ZFYVE28: variants seen among roughly 807,000 people sequenced by gnomAD.
The protein encoded by ZFYVE28 is zinc finger FYVE-type containing 28, also known as lateral signaling target protein 2 homolog.
ZFYVE28 carries 40 observed loss-of-function variants against 82.1 expected under a neutral mutation model. The ratio of observed to expected loss-of-function variants is 0.49; its 90% CI spans 0.38 to 0.63. ZFYVE28 has a LOEUF of 0.63. Among genes scored for constraint, ZFYVE28 ranks in the 30% least tolerant of loss-of-function variants. The pLI is 0.00. For synonymous variants in ZFYVE28, 612 were observed against 546.1 expected (o/e 1.12, Z -1.68); for missense variants, 1,321 against 1,242.1 (o/e 1.06, Z -0.96).
In ZFYVE28 at chr4:2,418,329, C is replaced by T. The variant is rs1162804811; in HGVS notation, c.-6G>A. The stretch of plus-strand genomic sequence containing the variant: ...TTTCGGAACCTGTTCATCATCGCCG[C>T]GCCGGCCCTGGCCGGACTCCGGGCG... On this transcript the variant is annotated 5_prime_UTR_variant, in exon 1 of 13. Coordinates refer to ENST00000290974, the MANE Select transcript of ZFYVE28 (RefSeq NM_020972.3). The surrounding 1 kb of genome is among the most constrained non-coding windows in gnomAD (Gnocchi z 4.6). The T allele has an allele frequency of 6.6e-7, 1 of 1,518,218 alleles. No individual in the cohort carries two copies. The highest frequency in any genetic ancestry group is 8.8e-7 in the Non-Finnish European group (1 of 1,131,174). The allele number at this position is 1,518,218 out of a possible 1,614,324, so 94.0% of individuals were successfully genotyped here.
intron 6 of ZFYVE28, chr4:2,331,015 T>C (rs1429211993): frequency 6.6e-7 from 1 of 1,526,692 alleles, no homozygotes; most frequent in Non-Finnish European, 8.8e-7. Context: ...CGGTGGCTCC[T>C]GCACGTGTTC....
intron 8 of ZFYVE28, among the ~76,000 whole-genome samples, chr4:2,277,201 C>T (rs892107568): frequency 3.9e-5 from 6 of 152,164 alleles, no homozygotes; most frequent in African/African-American, 9.7e-5. Context: ...AAGATCACGC[C>T]GGGCGTGGTG....
rs1578452713 is a variant in ZFYVE28 at position 2,418,232 on chromosome 4, G to A, written c.39+53C>T. 1 of 1,517,776 alleles carries A rather than the reference G, an allele frequency of 6.6e-7. No homozygotes were observed. The highest frequency in any genetic ancestry group is 8.8e-7 in the Non-Finnish European group (1 of 1,130,400). 94.0% of individuals were successfully genotyped at this position (1,517,776 alleles called of 1,614,324 possible). ...TTGTAGGGCGGACGGGCGGTCCTGG[G>A]GAAGGGAGAGGCCGCGACGCGGGGG... On this transcript the variant is annotated intron_variant, in intron 1 of 12. Transcript: ENST00000290974. The surrounding 1 kb of genome is among the most constrained non-coding windows in gnomAD (Gnocchi z 4.6).
rs758236088 is a variant in ZFYVE28 at position 2,339,464 on chromosome 4, C to T, written c.510G>A (p.Glu170=). ...CACAGCTGCAGTACCTGAGCTCAAACTCTGCGAACAGGACGTCGAAGTGCC... is the reference window on the plus strand; with the variant it reads ...CACAGCTGCAGTACCTGAGCTCAAATTCTGCGAACAGGACGTCGAAGTGCC... ...ALRHFDVLFA[E]FELSYVSAMV... is the part of the protein sequence containing the mutation. The change falls in exon 4 of 13, where the codon GAG becomes GAA. Residue 170 remains glutamate (E), a synonymous_variant. Transcript: ENST00000290974. The surrounding 1 kb of genome is among the most constrained non-coding windows in gnomAD (Gnocchi z 5.0). 2 of 1,613,698 alleles carry T rather than the reference C, an allele frequency of 1.2e-6. No individual in the cohort carries two copies. Among genetic ancestry groups the T allele is most frequent in the Non-Finnish European group, 1.7e-6 (2 of 1,179,936 alleles).
chr4:2,399,984 A>G (rs897769634), intron 1 of ZFYVE28, among the ~76,000 whole-genome samples: 12 of 152,172 alleles, frequency 7.9e-5, no homozygotes, highest in Admixed American at 7.9e-4. Flanking sequence ...AGCCCGAGGA[A>G]GTGCCGGCAC....
intron 7 of ZFYVE28, among the ~76,000 whole-genome samples, chr4:2,314,124 T>C (rs1374262637): frequency 6.6e-6 from 1 of 152,260 alleles, no homozygotes; most frequent in Non-Finnish European, 1.5e-5. Flanking sequence ...GACATCTTCC[T>C]ACTGAATTGC....
In ZFYVE28 at chr4:2,271,349, C is replaced by T. The variant is rs540746817; in HGVS notation, c.2494G>A (p.Val832Ile). 12 of 1,612,768 alleles carry T rather than the reference C, an allele frequency of 7.4e-6. No homozygotes were observed. The highest frequency in any genetic ancestry group is 1.3e-5 in the African/African-American group (1 of 74,952). ...CGGCAGTGGTGCTTCCGGCGGATGA[C>T]GGTGAAGGGTGCTTTGCACGCCGTG... is the stretch of plus-strand genomic sequence containing the variant. ...FCTACKAPFT[V>I]IRRKHHCRSC... Residue 832 changes from valine to isoleucine, a missense_variant, in exon 12 of 13, where the codon GTC becomes ATC. By Grantham distance (29) the Val-to-Ile change is conservative (BLOSUM62 3). Around this residue, in one of 2 missense-constraint regions of ZFYVE28, gnomAD observed 978 missense variants for 833.7 expected, o/e 1.17. Transcript: ENST00000290974.
chr4:2,271,269 C>G (rs1217733868), intron 12 of ZFYVE28, 42 bp downstream of exon 12: 2 of 1,591,704 alleles, frequency 1.3e-6, no homozygotes, highest in Admixed American at 1.7e-5. Flanking sequence ...CGTGGACGCC[C>G]TTGGATGCTG....
chr4:2,398,276 G>A (rs1461134427), intron 1 of ZFYVE28, among the ~76,000 whole-genome samples: 1 of 152,214 alleles, frequency 6.6e-6, no homozygotes, highest in Non-Finnish European at 1.5e-5. Context: ...CCGATGGGTG[G>A]TCATGGTGGG....
chr4:2,344,743 A>T (rs1265829512), intron 2 of ZFYVE28, among the ~76,000 whole-genome samples: 1 of 152,102 alleles, frequency 6.6e-6, no homozygotes. Flanking sequence ...CTAAAAATAC[A>T]CAATTAGCCG....
intron 11 of ZFYVE28, 108 bp downstream of exon 11, chr4:2,271,567 C>A (rs1005788823): frequency 7.0e-7 from 1 of 1,438,614 alleles, no homozygotes; most frequent in Non-Finnish European, 9.7e-7. Flanking sequence ...CTCCCACATG[C>A]CCGGACAGGG....
At chr4:2,367,869 G>GTGGT (rs753573028) in intron 1 of ZFYVE28, among the ~76,000 whole-genome samples, 39 of 152,158 alleles carry the variant, frequency 2.6e-4, no homozygotes, top group Non-Finnish European at 4.9e-4. Flanking sequence ...GACACCCAGG[G>GTGGT]TGGTTGCTCC....
Position 2,305,385 on chromosome 4 carries a change from G to C in ZFYVE28, c.955C>G (p.Pro319Ala), listed in dbSNP as rs1466206150. 6.2e-7 allele frequency: 1 copy of C among 1,612,690 alleles called. No homozygotes were observed. The highest frequency in any genetic ancestry group is 8.5e-7 in the Non-Finnish European group (1 of 1,179,774). Residue 319 changes from proline to alanine, a missense_variant, in exon 8 of 13, where the codon CCA (proline) becomes GCA (alanine). This residue lies in a region of ZFYVE28 where 978 missense variants were observed against 833.7 expected (regional missense o/e 1.17). Coordinates refer to ENST00000290974, the MANE Select transcript of ZFYVE28 (RefSeq NM_020972.3). ...ALSAPLPPEGPLSAKAKDPDA... is the reference protein window; with the variant it reads ...ALSAPLPPEGALSAKAKDPDA... ...GGGTCTTTGGCCTTAGCTGAGAGTG[G>C]CCCCTCAGGGGGGAGAGGGGCAGAG...
intron 1 of ZFYVE28, among the ~76,000 whole-genome samples, chr4:2,390,204 G>A (rs1464408631): frequency 2.6e-5 from 4 of 152,188 alleles, no homozygotes; most frequent in African/African-American, 9.7e-5. Context: ...GCCAGCAAAT[G>A]CCAAGCTGGC....
At position 2,339,386 on chromosome 4, in the gene ZFYVE28, C is replaced by T; in HGVS notation, c.521+67G>A. 3 of 1,530,450 alleles carry T rather than the reference C, an allele frequency of 2.0e-6. No homozygotes were observed. The highest frequency in any genetic ancestry group is 1.2e-5 in the South Asian group (1 of 81,330). 94.8% of individuals were successfully genotyped at this position (1,530,450 alleles called of 1,614,324 possible). ...TTCCAGCTTGAAGTATCAGGGTGAG[C>T]CCCGGAAGCTGGCACAACCGTCCCC... On this transcript the variant is annotated intron_variant, in intron 4 of 12. Transcript: ENST00000290974. This position sits in a 1 kb window ranked among gnomAD's most constrained non-coding sequence, Gnocchi z 5.0.
In ZFYVE28 at chr4:2,416,127, C is replaced by T. The variant is rs372816664; in HGVS notation, c.39+2158G>A. 1.5e-4 allele frequency among the ~76,000 whole-genome samples: 23 copies of T among 152,356 alleles called. No homozygotes were observed. The highest frequency in any genetic ancestry group is 5.3e-4 in the African/African-American group (22 of 41,584). ...GGCTGTGCCCTCTTGGTGCCCGCCG[C>T]CTGCCTGGAAAGGCAGCTGCCTGCT... On this transcript the variant is annotated intron_variant, in intron 1 of 12. Coordinates refer to ENST00000290974, the MANE Select transcript of ZFYVE28 (RefSeq NM_020972.3). This position sits in a 1 kb window ranked among gnomAD's most constrained non-coding sequence, Gnocchi z 4.6.
intron 1 of ZFYVE28, among the ~76,000 whole-genome samples, chr4:2,358,931 A>G (rs1725722678): frequency 6.6e-6 from 1 of 151,142 alleles, no homozygotes; most frequent in Admixed American, 6.6e-5. Context: ...CCTCCTGAGT[A>G]GCTAGGAAGA....
chr4:2,300,881 C>T lies in ZFYVE28; in HGVS notation c.2051+3408G>A, dbSNP rs560026012. Among the ~76,000 whole-genome samples the T allele has an allele frequency of 5.3e-5, 8 of 152,332 alleles. No homozygotes were observed. Among genetic ancestry groups the T allele is most frequent in the African/African-American group, 1.7e-4 (7 of 41,588 alleles). On this transcript the variant is annotated intron_variant, in intron 8 of 12. Transcript: ENST00000290974. The surrounding 1 kb of genome is among the most constrained non-coding windows in gnomAD (Gnocchi z 4.6). ...GCGTCTGCCGGGCGAGCGGGTCTCACGGCCAAACAGGCCCGGGCTCTTCCA... is the reference window on the plus strand; with the variant it reads ...GCGTCTGCCGGGCGAGCGGGTCTCATGGCCAAACAGGCCCGGGCTCTTCCA...
chr4:2,376,780 A>G (rs1728189271), intron 1 of ZFYVE28, among the ~76,000 whole-genome samples: 1 of 152,126 alleles, frequency 6.6e-6, no homozygotes, highest in African/African-American at 2.4e-5. Context: ...AAACCATATC[A>G]CTGGGTATGG....
Sources: gnomAD v4.1 joint callset for allele counts (sites outside exome capture counted in the v4.1 genomes callset) on GRCh38, gnomAD v4.1.1 for gene constraint, gnomAD v4.1.1 regional missense constraint, Gnocchi (gnomAD v3.1) non-coding constraint, MANE v1.5 for transcripts, NCBI Gene and HGNC (gene_info 2026-07-23, HGNC 2026-07-21) for gene names.